The following SIGLEC1 variants were observed in gnomAD, a reference collection of about 807,000 sequenced individuals.
The protein encoded by SIGLEC1 is sialic acid binding Ig like lectin 1.
Under a neutral mutation model 148.0 loss-of-function variants are expected in SIGLEC1, and 132 were observed. The observed-to-expected ratio is 0.89, with a 90% CI of 0.77 to 1.03. The LOEUF (loss-of-function observed/expected upper bound fraction) is 1.03, where lower values mean the gene tolerates loss of function less well. Ranked by LOEUF, SIGLEC1 falls within the 50% of genes least tolerant of loss-of-function variation. The pLI, the probability that SIGLEC1 is intolerant of heterozygous loss-of-function variation, is 0.00. For synonymous variants in SIGLEC1, 945 were observed against 969.0 expected (o/e 0.98, Z 0.46); for missense variants, 2,253 against 2,271.4 (o/e 0.99, Z 0.16).
Position 3,696,758 on chromosome 20 carries a change from G to A in SIGLEC1, c.2511C>T (p.Ala837=). Residue 837 remains alanine, a synonymous_variant, in exon 11 of 22, where the codon GCC becomes GCT. Coordinates refer to ENST00000344754, the MANE Select transcript of SIGLEC1 (RefSeq NM_023068.4). ...ATGGGACCTGGGGACCCAGGCTGGT[G>A]GCCAGGAGGTGCTCCCCATGGAACA... ...LALFHGEHLL[A]TSLGPQVPSH... 6.2e-7 allele frequency: 1 copy of A among 1,613,254 alleles called. No individual in the cohort carries two copies. Among genetic ancestry groups the A allele is most frequent in the Non-Finnish European group, 8.5e-7 (1 of 1,179,954 alleles).
At chr20:3,701,311 C>T (rs1333162620) in intron 7 of SIGLEC1, 31 bp downstream of exon 7, 2 of 1,567,874 alleles carry the variant, frequency 1.3e-6, no homozygotes, top group Admixed American at 3.5e-5. Flanking sequence ...AGGCTCCCTC[C>T]ACTCTCCCTG....
chr20:3,691,979 T>C lies in SIGLEC1; in HGVS notation c.4254A>G (p.Ala1418=), dbSNP rs1202625087. The C allele has an allele frequency of 1.2e-6, 2 of 1,612,338 alleles. No individual in the cohort carries two copies. The highest frequency in any genetic ancestry group is 1.3e-5 in the African/African-American group (1 of 74,948). Residue 1418 remains alanine, a synonymous_variant, in exon 17 of 22, where the codon GCA becomes GCG. Transcript: ENST00000344754. Reference sequence around the variant, plus strand: ...CTGTGCAAACATAGGTGTCATCACCTGCAGGCACATCTTGCACCTGCAGCC... The same window carrying C: ...CTGTGCAAACATAGGTGTCATCACCCGCAGGCACATCTTGCACCTGCAGCC... ...ALRLQVQDVP[A]GDDTYVCTAQ...
intron 8 of SIGLEC1, 21 bp downstream of exon 8, chr20:3,699,181 C>G: frequency 6.2e-7 from 1 of 1,605,026 alleles, no homozygotes; most frequent in Non-Finnish European, 8.5e-7. Flanking sequence ...CAGGAGGCTG[C>G]AACAGGTGGT....
chr20:3,708,333 A>G (rs1360608278), intron 1 of SIGLEC1, among the ~76,000 whole-genome samples: 2 of 152,250 alleles, frequency 1.3e-5, no homozygotes, highest in Non-Finnish European at 2.9e-5. Context: ...AAGAGATGCC[A>G]GAAACACATA....
chr20:3,691,888 CT>C lies in SIGLEC1; in HGVS notation c.4330+14del. 6.4e-7 allele frequency: 1 copy of C among 1,555,970 alleles called. No homozygotes were observed. Among genetic ancestry groups the C allele is most frequent in the Non-Finnish European group, 8.7e-7 (1 of 1,144,638 alleles). On this transcript the variant is annotated intron_variant, in intron 17 of 21. Transcript: ENST00000344754. The stretch of plus-strand genomic sequence containing the variant: ...GAGCATCAGAGCCCCTCCTCCTCCC[CT>C]CTCTTCCACTCACCTTCTACCTGCA...
At chr20:3,706,987 C>T in intron 2 of SIGLEC1, 93 bp downstream of exon 2, 1 of 1,394,466 alleles carries the variant, frequency 7.2e-7, no homozygotes, top group African/African-American at 1.4e-5. Flanking sequence ...CCTCAGCAAC[C>T]AAACATGTGA....
At position 3,697,917 on chromosome 20, in the gene SIGLEC1, G is replaced by A. The variant is rs868784275; in HGVS notation, c.2003C>T (p.Ala668Val). Residue 668 changes from alanine to valine, a missense_variant, in exon 9 of 22, where the codon GCC becomes GTC. Coordinates refer to ENST00000344754, the MANE Select transcript of SIGLEC1 (RefSeq NM_023068.4). ...GCSPRMKVTK[A>V]PNLLRVEIHN... ...AATCTCCACACGCAGCAAGTTGGGGGCTTTGGTGACCTTCATGCGTGGGGA... is the reference window on the plus strand; with the variant it reads ...AATCTCCACACGCAGCAAGTTGGGGACTTTGGTGACCTTCATGCGTGGGGA... 3 of 1,613,048 alleles carry A rather than the reference G, an allele frequency of 1.9e-6. No individual in the cohort carries two copies. The highest frequency in any genetic ancestry group is 1.3e-5 in the African/African-American group (1 of 75,036).
rs111776190 is a variant in SIGLEC1 at position 3,696,755 on chromosome 20, G to A, written c.2514C>T (p.Thr838=). The A allele has an allele frequency of 1.2e-6, 2 of 1,613,462 alleles. No homozygotes were observed. Among genetic ancestry groups the A allele is most frequent in the Admixed American group, 3.3e-5 (2 of 60,020 alleles). Residue 838 remains threonine (T), a synonymous_variant, in exon 11 of 22, where the codon ACC becomes ACT. Transcript: ENST00000344754. ...GGGATGGGACCTGGGGACCCAGGCT[G>A]GTGGCCAGGAGGTGCTCCCCATGGA... The part of the protein sequence containing the change: ...ALFHGEHLLA[T]SLGPQVPSHG...
rs2087852234 is a variant in SIGLEC1 at position 3,701,593 on chromosome 20, C to A, written c.1277G>T (p.Gly426Val). Residue 426 changes from glycine to valine, a missense_variant, in exon 7 of 22, where the codon GGA (glycine) becomes GTA (valine). Transcript: ENST00000344754. ...AGAGCAGTGAAGGATGCCCACAAGT[C>A]CCGCCTGGGTCTCCAGGAAGGCTGT... ...VLTAFLETQA[G>V]LVGILHCSVV... 3 of 1,593,852 alleles carry A rather than the reference C, an allele frequency of 1.9e-6. No individual in the cohort carries two copies. The African/African-American group carries it at 4.0e-5, about 21-fold the overall frequency.
At chr20:3,705,610 A>C in intron 4 of SIGLEC1, 134 bp downstream of exon 4, 1 of 922,484 alleles carries the variant, frequency 1.1e-6, no homozygotes, top group East Asian at 2.5e-5. Flanking sequence ...CACTTGCCCT[A>C]CCCTGGAGGC....
intron 21 of SIGLEC1, 87 bp downstream of exon 21, chr20:3,689,068 T>A: frequency 8.6e-7 from 1 of 1,165,230 alleles, no homozygotes; most frequent in Non-Finnish European, 1.3e-6. Flanking sequence ...CCAGGCACCA[T>A]CCTCTAAATG....
rs376717744 is a variant in SIGLEC1, at chr20:3,703,231, G to A, written c.1194C>T (p.Ser398=). 29 of 1,614,074 alleles carry A rather than the reference G, an allele frequency of 1.8e-5. No homozygotes were observed. The African/African-American group carries it at 2.4e-4, about 13-fold the overall frequency. Residue 398 remains serine, a synonymous_variant, in exon 6 of 22, where the codon AGC becomes AGT. Transcript: ENST00000344754. ...CCACGCTGACAGGGCCCGAGCGCTCGCTGCCATGGACGTTCTGCACCTCAC... is the reference window on the plus strand; with the variant it reads ...CCACGCTGACAGGGCCCGAGCGCTCACTGCCATGGACGTTCTGCACCTCAC... ...YFCEVQNVHG[S]ERSGPVSVVV...
At position 3,706,504 on chromosome 20, in the gene SIGLEC1, G is replaced by A. The variant is rs138374876; in HGVS notation, c.252C>T (p.Arg84=). 1.5e-5 allele frequency: 25 copies of A among 1,613,398 alleles called. No homozygotes were observed. In the African/African-American group the frequency reaches 1.9e-4, roughly 12 times the overall value. The change falls in exon 3 of 22, where the codon CGC becomes CGT. Residue 84 remains arginine (R), a synonymous_variant. Transcript: ENST00000344754. ...GGTTCCCCATGAACTCGGTGCGGCC[G>A]CGGAAGCGGGCCTCCACCAGCTTGG... ...ADPKLVEARF[R]GRTEFMGNPE... is the part of the protein sequence containing the mutation.
intron 10 of SIGLEC1, 64 bp from the exon 11 acceptor site, chr20:3,696,952 T>C (rs2087806467): frequency 3.3e-6 from 5 of 1,531,720 alleles, no homozygotes; most frequent in Non-Finnish European, 4.4e-6. Flanking sequence ...TGCCACACTA[T>C]GTCCCCCACC....
In SIGLEC1 at chr20:3,697,665, G is replaced by C. The variant is rs1374011084; in HGVS notation, c.2122+133C>G. On this transcript the variant is annotated intron_variant, in intron 9 of 21. Transcript: ENST00000344754. The stretch of plus-strand genomic sequence containing the variant: ...GGGAAGGAGCAGCTCCGCTCTTCCT[G>C]AATGTGGAGGAGGGCAGCGAAGGGC... 46 of 799,854 alleles carry C rather than the reference G, an allele frequency of 5.8e-5. No individual in the cohort carries two copies. In the East Asian group the frequency reaches 1.1e-3, roughly 19 times the overall value. 49.5% of individuals were successfully genotyped at this position (799,854 alleles called of 1,614,324 possible).
At position 3,687,351 on chromosome 20, in the gene SIGLEC1, G is replaced by A. The variant is rs1600276538; in HGVS notation, c.*1209C>T. 1 of 152,278 alleles carries A rather than the reference G, an allele frequency of 6.6e-6. No individual in the cohort carries two copies. The highest frequency in any genetic ancestry group is 2.4e-5 in the African/African-American group (1 of 41,468). The allele number at this position is 152,278 out of a possible 1,614,324, so 9.4% of individuals were successfully genotyped here. ...CAGGGTCTCCAGGAAAAGGACAGGA[G>A]CTCACACAGTCATGAACAGAGATGC... On this transcript the variant is annotated 3_prime_UTR_variant, in exon 22 of 22. Coordinates refer to ENST00000344754, the MANE Select transcript of SIGLEC1 (RefSeq NM_023068.4).
chr20:3,700,163 G>T (rs2087839325), intron 7 of SIGLEC1, among the ~76,000 whole-genome samples: 1 of 121,072 alleles, frequency 8.3e-6, no homozygotes. Flanking sequence ...CGTCAGCCAG[G>T]CTGGAGTGCA....
Position 3,703,203 on chromosome 20 carries a change from C to T in SIGLEC1, c.1222G>A (p.Val408Ile), listed in dbSNP as rs758700846. 1.2e-6 allele frequency: 2 copies of T among 1,613,986 alleles called. No individual in the cohort carries two copies. The highest frequency in any genetic ancestry group is 3.3e-5 in the Admixed American group (2 of 60,010). Residue 408 changes from valine to isoleucine, a missense_variant, in exon 6 of 22, where the codon GTC (valine) becomes ATC (isoleucine). By Grantham distance (29) the Val-to-Ile change is conservative. Transcript: ENST00000344754. ...SERSGPVSVV[V>I]NHPPLTPVLT... The stretch of plus-strand genomic sequence containing the variant: ...CCCCACCCTGGCCTCTTACGGTTGA[C>T]TACCACGCTGACAGGGCCCGAGCGC...
At chr20:3,691,684 T>C in intron 17 of SIGLEC1, 84 bp from the exon 18 acceptor site, 2 of 1,517,286 alleles carry the variant, frequency 1.3e-6, no homozygotes, top group South Asian at 1.2e-5. Context: ...GAGGGGCCTC[T>C]GCACATTGTG....
Sources: gnomAD v4.1 joint callset for allele counts (sites outside exome capture counted in the v4.1 genomes callset) on GRCh38, gnomAD v4.1.1 for gene constraint, MANE v1.5 for transcripts, NCBI Gene and HGNC (gene_info 2026-07-23, HGNC 2026-07-21) for gene names.